Variants in TBC1D8 observed in about 807,000 individuals in gnomAD.
The protein encoded by TBC1D8 is BUB2-like protein 1.
TBC1D8 carries 65 observed loss-of-function variants against 118.8 expected under a neutral mutation model. The ratio of observed to expected loss-of-function variants is 0.55; its 90% confidence interval spans 0.45 to 0.67. The LOEUF (loss-of-function observed/expected upper bound fraction) is 0.67. TBC1D8 is among the 30% of genes least tolerant of loss of function. The probability of loss-of-function intolerance (pLI) is 0.00; values close to 1 mark genes in which losing one functional copy is unlikely to be tolerated. For synonymous variants in TBC1D8, 566 were observed against 595.8 expected, an observed-to-expected ratio of 0.95 and a Z score of 0.73; for missense variants, 1,376 against 1,471.2, an observed-to-expected ratio of 0.94 and a Z score of 1.06.
chr2:101,065,068 A>G (rs1305288599), intron 2 of TBC1D8, among the ~76,000 whole-genome samples: 4 of 152,160 alleles, frequency 2.6e-5, no homozygotes, highest in African/African-American at 2.4e-5. Flanking sequence ...AGGTGTTTTC[A>G]GGAAATAAAA....
At chr2:101,138,900 G>A (rs940159783) in intron 1 of TBC1D8, among the ~76,000 whole-genome samples, 1 of 152,128 alleles carries the variant, frequency 6.6e-6, no homozygotes, top group Non-Finnish European at 1.5e-5. Flanking sequence ...CTTCAAATCT[G>A]TTCTTGCTGG....
intron 8 of TBC1D8, among the ~76,000 whole-genome samples, chr2:101,037,045 A>G (rs1681052638): frequency 6.6e-6 from 1 of 152,242 alleles, no homozygotes; most frequent in Non-Finnish European, 1.5e-5. Flanking sequence ...TCAAAGCACA[A>G]CTTCCAGTAT....
At chr2:101,074,774 T>C (rs1674704050) in intron 2 of TBC1D8, among the ~76,000 whole-genome samples, 1 of 152,232 alleles carries the variant, frequency 6.6e-6, no homozygotes, top group Non-Finnish European at 1.5e-5. Flanking sequence ...GTTATAACTA[T>C]GTAGTTTTAC....
intron 2 of TBC1D8, among the ~76,000 whole-genome samples, chr2:101,060,506 C>T (rs905811095): frequency 2.0e-5 from 3 of 152,166 alleles, no homozygotes; most frequent in Non-Finnish European, 2.9e-5. Context: ...AAATCAAAGG[C>T]GTAAATTCAT....
intron 1 of TBC1D8, among the ~76,000 whole-genome samples, chr2:101,134,139 T>C (rs1678723144): frequency 6.6e-6 from 1 of 151,796 alleles, no homozygotes; most frequent in African/African-American, 2.4e-5. Flanking sequence ...GGGACATAAA[T>C]ATTCACACTT....
intron 2 of TBC1D8, among the ~76,000 whole-genome samples, chr2:101,074,016 C>T (rs75436687): frequency 6.6e-6 from 1 of 152,374 alleles, no homozygotes; most frequent in African/African-American, 2.4e-5. Context: ...GCATTCACAA[C>T]TTTAACTGTT....
intron 2 of TBC1D8, among the ~76,000 whole-genome samples, chr2:101,087,026 C>T (rs1443136878): frequency 6.6e-6 from 1 of 151,964 alleles, no homozygotes; most frequent in Admixed American, 6.6e-5. Flanking sequence ...TCAGGTGATC[C>T]GCCCGCCTCA....
chr2:101,148,181 C>A (rs754191534), intron 1 of TBC1D8, among the ~76,000 whole-genome samples: 43 of 152,286 alleles, frequency 2.8e-4, no homozygotes, highest in Non-Finnish European at 3.1e-4. Context: ...CCACCCACAC[C>A]CCTCCAGCTT....
chr2:101,102,089 A>G (rs559470064), intron 1 of TBC1D8, among the ~76,000 whole-genome samples: 6 of 151,996 alleles, frequency 3.9e-5, no homozygotes, highest in Non-Finnish European at 7.4e-5. Context: ...AGAGACAGAA[A>G]GAGAAAAAGA....
At chr2:101,112,273 C>A (rs1299157390) in intron 1 of TBC1D8, among the ~76,000 whole-genome samples, 2 of 152,206 alleles carry the variant, frequency 1.3e-5, no homozygotes, top group South Asian at 4.1e-4. Flanking sequence ...GTCTTTCTCA[C>A]ACTTGTTGCT....
Position 101,040,218 on chromosome 2 carries a change from C to G in TBC1D8, c.1040G>C (p.Arg347Thr). ...GATGATCTTACAGCAGCCATCTTCT[C>G]TGCTGGCAAAGCAGATGTAGCTGTC... is the stretch of plus-strand genomic sequence containing the variant. ...ASDSYICFAS[R>T]EDGCCKIILP... is the part of the protein sequence containing the mutation. The change falls in exon 6 of 20, where the codon AGA becomes ACA. Residue 347 changes from arginine to threonine, a missense_variant. Arg to Thr is a moderately conservative substitution (Grantham distance 71, BLOSUM62 -1). Coordinates refer to ENST00000409318, the MANE Select transcript of TBC1D8 (RefSeq NM_001330348.2). 1 of 1,614,052 alleles carries G rather than the reference C, an allele frequency of 6.2e-7. No individual in the cohort carries two copies. Among genetic ancestry groups the G allele is most frequent in the Non-Finnish European group, 8.5e-7 (1 of 1,179,914 alleles).
At chr2:101,046,643 T>C (rs1681722851) in intron 5 of TBC1D8, among the ~76,000 whole-genome samples, 1 of 151,274 alleles carries the variant, frequency 6.6e-6, no homozygotes, top group South Asian at 2.1e-4. Context: ...AAAGCGGTCC[T>C]AGTGGGAGCC....
rs1345360341 is a variant in TBC1D8 at position 101,011,044 on chromosome 2, CAA to C, written c.2918-20_2918-19del. The C allele has an allele frequency of 1.2e-6, 2 of 1,601,206 alleles. No homozygotes were observed. The highest frequency in any genetic ancestry group is 2.4e-5 in the East Asian group (1 of 41,562). On this transcript the variant is annotated intron_variant, in intron 18 of 19. Transcript: ENST00000409318. ...TGCATCACCTTGAAACAAAGGAAAA[CAA>C]TATGTGGTTTAATTTAAATAAATTC...
chr2:101,128,978 C>T (rs771473729), intron 1 of TBC1D8, among the ~76,000 whole-genome samples: 3 of 152,040 alleles, frequency 2.0e-5, no homozygotes, highest in East Asian at 1.9e-4. Flanking sequence ...ATTTAATGGG[C>T]TCTGACTTTC....
At chr2:101,013,207 C>G (rs1360393039) in intron 17 of TBC1D8, among the ~76,000 whole-genome samples, 5 of 152,162 alleles carry the variant, frequency 3.3e-5, no homozygotes, top group Non-Finnish European at 4.4e-5. Flanking sequence ...CCAACCTCTG[C>G]CGTCACAGCA....
chr2:101,035,793 C>G (rs190675913), intron 9 of TBC1D8, among the ~76,000 whole-genome samples: 1 of 152,184 alleles, frequency 6.6e-6, no homozygotes, highest in Non-Finnish European at 1.5e-5. Context: ...GCCCAGACCT[C>G]GCATTTACCC....
At chr2:101,119,527 G>C (rs796057) in intron 1 of TBC1D8, among the ~76,000 whole-genome samples, 81,361 of 152,036 alleles carry the variant, frequency 0.54, 22,565 homozygotes, top group African/African-American at 0.67. Context: ...TTTCCTTCTA[G>C]AGCAGGGGTT....
intron 1 of TBC1D8, among the ~76,000 whole-genome samples, chr2:101,095,974 C>T (rs1676393270): frequency 6.6e-6 from 1 of 152,206 alleles, no homozygotes; most frequent in African/African-American, 2.4e-5. Context: ...TCCCCCATAC[C>T]TGACCACCAC....
intron 1 of TBC1D8, among the ~76,000 whole-genome samples, chr2:101,137,397 C>G (rs1354521302): frequency 6.6e-6 from 1 of 152,004 alleles, no homozygotes; most frequent in East Asian, 1.9e-4. Context: ...ACTGCAAGCT[C>G]CGCCTCCCGG....
Sources: gnomAD v4.1 joint callset for allele counts (sites outside exome capture counted in the v4.1 genomes callset) on GRCh38, gnomAD v4.1.1 for gene constraint, MANE v1.5 for transcripts, NCBI Gene and HGNC (gene_info 2026-07-23, HGNC 2026-07-21) for gene names.